Variants in PTPRN observed in about 807,000 individuals in gnomAD.
PTPRN encodes protein tyrosine phosphatase receptor type N.
PTPRN carries 70 observed loss-of-function variants against 108.5 expected under a neutral mutation model. The ratio of observed to expected loss-of-function variants is 0.65; its 90% CI spans 0.53 to 0.79. PTPRN has a LOEUF of 0.79. PTPRN is among the 30% of genes least tolerant of loss of function. The pLI is 0.00. For missense variants in PTPRN, 1,136 were observed against 1,295.5 expected (o/e 0.88, Z 1.89); for synonymous variants, 496 against 524.6 (o/e 0.95, Z 0.75).
In PTPRN at chr2:219,302,651, C is replaced by T. The variant is rs146051932; in HGVS notation, c.564G>A (p.Leu188=). 2 of 1,613,738 alleles carry T rather than the reference C, an allele frequency of 1.2e-6. No individual in the cohort carries two copies. The highest frequency in any genetic ancestry group is 1.7e-6 in the Non-Finnish European group (2 of 1,179,942). ...GGTGGGGAGGCTGTGGGGGCAGCAG[C>T]AGGTGCTCCAAGAGAGGCGGGAGCA... The part of the protein sequence containing the change: ...AELLPPLLEH[L]LLPPQPPHPS... The change falls in exon 5 of 23, where the codon CTG becomes CTA. Residue 188 remains leucine, a synonymous_variant. Coordinates refer to ENST00000295718, the MANE Select transcript of PTPRN (RefSeq NM_002846.4).
At position 219,302,718 on chromosome 2, in the gene PTPRN, C is replaced by G. The variant is rs1952386997; in HGVS notation, c.497G>C (p.Gly166Ala). The G allele has an allele frequency of 6.2e-7, 1 of 1,613,232 alleles. No individual in the cohort carries two copies. The highest frequency in any genetic ancestry group is 8.5e-7 in the Non-Finnish European group (1 of 1,179,850). ...RLPQPPVGKG[G>A]AGASSSLSPL... is the part of the protein sequence containing the mutation. ...GGACAGAGAGGAGCTGGCCCCAGCT[C>G]CACCTTTGCCCACTGGTGGTTGTGG... is the stretch of plus-strand genomic sequence containing the variant. Residue 166 changes from glycine (G) to alanine (A), a missense_variant, in exon 5 of 23, where the codon GGA (glycine) becomes GCA (alanine). By Grantham distance (60) the Gly-to-Ala change is moderately conservative (BLOSUM62 0). Coordinates refer to ENST00000295718, the MANE Select transcript of PTPRN (RefSeq NM_002846.4).
At chr2:219,307,299 G>C (rs573841570) in intron 3 of PTPRN, 145 bp downstream of exon 3, 86 of 667,214 alleles carry the variant, frequency 1.3e-4, no homozygotes, top group Admixed American at 4.1e-4. Context: ...CCATCTCTAG[G>C]GTTCCACCTC....
At chr2:219,302,971 C>A in intron 4 of PTPRN, 134 bp from the exon 5 acceptor site, 1 of 1,028,092 alleles carries the variant, frequency 9.7e-7, no homozygotes, top group Non-Finnish European at 1.4e-6. Flanking sequence ...TGAGTGACCT[C>A]AGGGGAAGAG....
At chr2:219,305,720 C>T (rs925636310) in intron 3 of PTPRN, among the ~76,000 whole-genome samples, 5 of 152,224 alleles carry the variant, frequency 3.3e-5, no homozygotes, top group Non-Finnish European at 5.9e-5. Context: ...ATGTACTCAA[C>T]TTCCTGCTTC....
In PTPRN at chr2:219,299,041, G is replaced by T. The variant is rs747939177; in HGVS notation, c.1668+6C>A. The T allele has an allele frequency of 6.2e-7, 1 of 1,614,146 alleles. No individual in the cohort carries two copies. The highest frequency in any genetic ancestry group is 8.5e-7 in the Non-Finnish European group (1 of 1,179,966). Reference sequence around the variant, plus strand: ...GACTTGGACTGATTCTCCAGTTAGCGCATACCTGTCCCACTCCTGTCTGCA... The same window carrying T: ...GACTTGGACTGATTCTCCAGTTAGCTCATACCTGTCCCACTCCTGTCTGCA... On this transcript the variant is annotated splice_donor_region_variant and intron_variant, in intron 12 of 22. Transcript: ENST00000295718.
In PTPRN at chr2:219,300,069, A is replaced by G; in HGVS notation, c.1352T>C (p.Leu451Pro). The G allele has an allele frequency of 6.2e-7, 1 of 1,614,162 alleles. No homozygotes were observed. The highest frequency in any genetic ancestry group is 8.5e-7 in the Non-Finnish European group (1 of 1,180,018). Reference sequence around the variant, plus strand: ...TGCCACCGTGGGCTGGCTCTGGCCCAGTGGGCTTTTCTTCTCTAGCAGGAC... The same window carrying G: ...TGCCACCGTGGGCTGGCTCTGGCCCGGTGGGCTTTTCTTCTCTAGCAGGAC... ...TPVLLEKKSP[L>P]GQSQPTVAGQ... is the part of the protein sequence containing the mutation. Residue 451 changes from leucine to proline, a missense_variant, in exon 9 of 23, where the codon CTG becomes CCG. Physicochemically the swap from Leu to Pro is moderately conservative, Grantham distance 98. Transcript: ENST00000295718.
rs200004871 is a variant in PTPRN at position 219,298,048 on chromosome 2, C to T, written c.1724G>A (p.Arg575His). ...GGCCACCAGAGTGAGCAGCACTGAG[C>T]GCATGGGTGAGGTGCTGTGCGCAGT... is the stretch of plus-strand genomic sequence containing the variant. ...PQTAHSTSPM[R>H]SVLLTLVALA... The change falls in exon 13 of 23, where the codon CGC (arginine) becomes CAC (histidine). Residue 575 changes from arginine to histidine, a missense_variant. Physicochemically the swap from Arg to His is conservative, Grantham distance 29. Transcript: ENST00000295718. 2.9e-4 allele frequency: 475 copies of T among 1,614,056 alleles called. 7 individuals carry two copies. The Middle Eastern group carries it at 0.012, about 41-fold the overall frequency.
At position 219,297,993 on chromosome 2, in the gene PTPRN, A is replaced by G. The variant is rs1422753310; in HGVS notation, c.1779T>C (p.Ala593=). The G allele has an allele frequency of 1.9e-6, 3 of 1,613,870 alleles. No homozygotes were observed. The Admixed American group carries it at 5.0e-5, about 27-fold the overall frequency. ...ALAGVAGLLV[A]LAVALCVRQH... is the part of the protein sequence containing the mutation. ...GCCGCACACACAGAGCCACAGCCAG[A>G]GCCACCAGCAGCCCAGCCACACCTG... Residue 593 remains alanine, a synonymous_variant, in exon 13 of 23, where the codon GCT becomes GCC. Coordinates refer to ENST00000295718, the MANE Select transcript of PTPRN (RefSeq NM_002846.4). The surrounding 1 kb of genome is among the most constrained non-coding windows in gnomAD (Gnocchi z 6.0).
In PTPRN at chr2:219,296,909, AACC is replaced by A; in HGVS notation, c.2236+73_2236+75del. On this transcript the variant is annotated intron_variant, in intron 15 of 22. Transcript: ENST00000295718. The surrounding 1 kb of genome is among the most constrained non-coding windows in gnomAD (Gnocchi z 6.0). ...GCCACTCAGCCTGAGCCAGAAGCCC[AACC>A]CCTTACCCCAAGCCCTCCAGACCTC... is the stretch of plus-strand genomic sequence containing the variant. The A allele has an allele frequency of 6.2e-7, 1 of 1,612,472 alleles. No individual in the cohort carries two copies. The highest frequency in any genetic ancestry group is 1.3e-5 in the African/African-American group (1 of 75,004).
In PTPRN at chr2:219,291,390, C is replaced by T. The variant is rs565544478; in HGVS notation, c.2729+80G>A. On this transcript the variant is annotated intron_variant, in intron 20 of 22. Transcript: ENST00000295718. The stretch of plus-strand genomic sequence containing the variant: ...GGACTATGCCTGCAGTTTGCTAGCA[C>T]CAAGGGGACAGGCAGGCAATGTGCA... 15 of 1,493,166 alleles carry T rather than the reference C, an allele frequency of 1.0e-5. No homozygotes were observed. In the Admixed American group the frequency reaches 2.0e-4, roughly 20 times the overall value. 92.5% of individuals were successfully genotyped at this position (1,493,166 alleles called of 1,614,324 possible). A position where few individuals can be genotyped will look rare whatever the true frequency, so the allele number is the denominator to read the frequency against.
chr2:219,296,704 G>C lies in PTPRN; in HGVS notation c.2310+45C>G, dbSNP rs763404082. 2 of 1,607,382 alleles carry C rather than the reference G, an allele frequency of 1.2e-6. No individual in the cohort carries two copies. Among genetic ancestry groups the C allele is most frequent in the Non-Finnish European group, 1.7e-6 (2 of 1,175,778 alleles). On this transcript the variant is annotated intron_variant, in intron 16 of 22. Coordinates refer to ENST00000295718, the MANE Select transcript of PTPRN (RefSeq NM_002846.4). This position sits in a 1 kb window ranked among gnomAD's most constrained non-coding sequence, Gnocchi z 6.0. ...GGGGAAATGGAGTGCATAGGGCCAG[G>C]ATAATGATGGGGCAGAGGTGGGGGC...
rs762624471 is a variant in PTPRN at position 219,296,301 on chromosome 2, C to G, written c.2433G>C (p.Pro811=). ...SGCTVIVMLT[P]LVEDGVKQCD... ...ACTGCTTGACACCATCCTCCACCAG[C>G]GGGGTCAGCATGACGATGACGGTGC... Residue 811 remains proline (P), a synonymous_variant, in exon 18 of 23, where the codon CCG becomes CCC. Transcript: ENST00000295718. The surrounding 1 kb of genome is among the most constrained non-coding windows in gnomAD (Gnocchi z 6.0). 3.3e-5 allele frequency: 54 copies of G among 1,614,024 alleles called. No homozygotes were observed. The highest frequency in any genetic ancestry group is 4.2e-5 in the Non-Finnish European group (50 of 1,180,040).
chr2:219,309,176 T>TCCCCCCCCCCCCCCC, intron 1 of PTPRN, 42 bp downstream of exon 1: 26 of 1,364,308 alleles, frequency 1.9e-5, no homozygotes, highest in East Asian at 5.4e-5. Flanking sequence ...CCCAAGCTGC[T>TCCCCCCCCCCCCCCC]CCCCGCCCCC....
At chr2:219,299,675 T>C (rs921643423) in intron 10 of PTPRN, 25 bp downstream of exon 10, 1 of 1,562,932 alleles carries the variant, frequency 6.4e-7, no homozygotes, top group Non-Finnish European at 8.7e-7. Context: ...TCTCGGCCAC[T>C]GCCCTAGCAA....
chr2:219,295,178 T>G, intron 18 of PTPRN, 37 bp from the exon 19 acceptor site: 1 of 1,590,634 alleles, frequency 6.3e-7, no homozygotes, highest in Non-Finnish European at 8.5e-7. Context: ...CGCCGCGGGC[T>G]GCCCCAGTCC....
At chr2:219,291,202 C>T (rs1243380425) in intron 20 of PTPRN, among the ~76,000 whole-genome samples, 3 of 152,188 alleles carry the variant, frequency 2.0e-5, no homozygotes, top group Admixed American at 6.5e-5. Context: ...CTCTAGCCTT[C>T]AGCCAGCTTT....
At chr2:219,307,913 G>A in intron 1 of PTPRN, 71 bp from the exon 2 acceptor site, 1 of 1,447,298 alleles carries the variant, frequency 6.9e-7, no homozygotes, top group Non-Finnish European at 9.7e-7. Context: ...TGGACAGGCT[G>A]GGAACGGGAG....
intron 19 of PTPRN, chr2:219,294,238 CAG>C (rs1478190349): frequency 1.3e-5 from 6 of 454,536 alleles, no homozygotes; most frequent in Admixed American, 4.7e-5. Flanking sequence ...GAGGGAAGGA[CAG>C]AGAGAGGAAA....
intron 2 of PTPRN, 47 bp from the exon 3 acceptor site, chr2:219,307,604 T>C: frequency 6.4e-7 from 1 of 1,565,782 alleles, no homozygotes; most frequent in Non-Finnish European, 8.8e-7. Context: ...ATAAGAGGCC[T>C]TCCAAAGTCC....
Sources: allele counts gnomAD v4.1 joint callset (sites outside exome capture counted in the v4.1 genomes callset), GRCh38; gene constraint gnomAD v4.1.1; non-coding constraint Gnocchi (gnomAD v3.1); transcripts MANE v1.5; gene names NCBI Gene and HGNC (gene_info 2026-07-23, HGNC 2026-07-21).